PIK3R5: variants seen among roughly 807,000 people sequenced by gnomAD.
The protein encoded by PIK3R5 is phosphoinositide-3-kinase regulatory subunit 5.
PIK3R5 carries 32 observed loss-of-function variants against 94.9 expected under a neutral mutation model. The observed-to-expected ratio is 0.34, with a 90% CI of 0.25 to 0.45. The LOEUF (loss-of-function observed/expected upper bound fraction) is 0.45. PIK3R5 is among the 20% of genes least tolerant of loss of function. The pLI is 1.00. For synonymous variants in PIK3R5, 443 were observed against 479.4 expected, an observed-to-expected ratio of 0.92 and a Z score of 0.99; for missense variants, 853 against 1,144.6, an observed-to-expected ratio of 0.75 and a Z score of 3.68.
rs199732856 is a variant in PIK3R5, at chr17:8,893,046, CTGTGTGTGTGTGTGTGTG to C, written c.482+522_482+539del. ...GTAACCAGGATACATTTCATTTCAG[CTGTGTGTGTGTGTGTGTG>C]TGTGTGTGTGTGTGTGTGTGTTTGT... On this transcript the variant is annotated intron_variant, in intron 6 of 18. Transcript: ENST00000447110. This position sits in a 1 kb window ranked among gnomAD's most constrained non-coding sequence, Gnocchi z 5.1. Among the ~76,000 whole-genome samples the C allele has an allele frequency of 7.4e-6, 1 of 135,886 alleles. No individual in the cohort carries two copies. Among genetic ancestry groups the C allele is most frequent in the Non-Finnish European group, 1.6e-5 (1 of 64,296 alleles). The allele number at this position is 135,886 out of a possible 152,430, so 89.1% of individuals were successfully genotyped here. A position where few individuals can be genotyped will look rare whatever the true frequency, so the allele number is the denominator to read the frequency against.
chr17:8,884,477 G>A lies in PIK3R5; in HGVS notation c.2205+230C>T, dbSNP rs1278283182. On this transcript the variant is annotated intron_variant, in intron 15 of 18. Transcript: ENST00000447110. This position sits in a 1 kb window ranked among gnomAD's most constrained non-coding sequence, Gnocchi z 5.8. ...CCCTGGGCTGCTGCTGAGCGCATTC[G>A]GGTGGGGGCAGAGAACATGGTGGGA... Among the ~76,000 whole-genome samples, 1 of 152,122 alleles carries A rather than the reference G, an allele frequency of 6.6e-6. No individual in the cohort carries two copies. Among genetic ancestry groups the A allele is most frequent in the Non-Finnish European group, 1.5e-5 (1 of 68,014 alleles).
chr17:8,935,907 AGCCGGGCGTGGTGGCGG>A lies in PIK3R5; in HGVS notation c.-13-24417_-13-24401del, dbSNP rs2151448121. Among the ~76,000 whole-genome samples, 1 of 152,240 alleles carries A rather than the reference AGCCGGGCGTGGTGGCGG, an allele frequency of 6.6e-6. No homozygotes were observed. Among genetic ancestry groups the A allele is most frequent in the East Asian group, 1.9e-4 (1 of 5,184 alleles). ...ATCTCTACTAAAAATACAAAAAATT[AGCCGGGCGTGGTGGCGG>A]GCACCTGTAGTCCCAGCTACTCGGG... On this transcript the variant is annotated intron_variant, in intron 1 of 18. Transcript: ENST00000447110. This position sits in a 1 kb window ranked among gnomAD's most constrained non-coding sequence, Gnocchi z 4.5.
At chr17:8,924,359 G>A (rs946581133) in intron 1 of PIK3R5, among the ~76,000 whole-genome samples, 8 of 151,708 alleles carry the variant, frequency 5.3e-5, no homozygotes, top group Non-Finnish European at 8.8e-5. Context: ...GATTACAGGC[G>A]TGAGCCACCT....
intron 1 of PIK3R5, among the ~76,000 whole-genome samples, chr17:8,942,401 C>T (rs1359688770): frequency 1.3e-5 from 2 of 152,108 alleles, no homozygotes; most frequent in Non-Finnish European, 2.9e-5. Flanking sequence ...GCAGCTCCTG[C>T]CCCCACTGCT....
intron 1 of PIK3R5, among the ~76,000 whole-genome samples, chr17:8,927,049 C>A (rs2090896515): frequency 6.6e-6 from 1 of 152,088 alleles, no homozygotes; most frequent in South Asian, 2.1e-4. Flanking sequence ...AGAGAGAAGG[C>A]ACACAGGCTA....
chr17:8,889,345 C>A lies in PIK3R5; in HGVS notation c.812-123G>T, dbSNP rs1273327482. 3 of 696,452 alleles carry A rather than the reference C, an allele frequency of 4.3e-6. No individual in the cohort carries two copies. Among genetic ancestry groups the A allele is most frequent in the East Asian group, 2.7e-5 (1 of 36,572 alleles). The allele number at this position is 696,452 out of a possible 1,614,324, so 43.1% of individuals were successfully genotyped here. A position where few individuals can be genotyped will look rare whatever the true frequency, so the allele number is the denominator to read the frequency against. On this transcript the variant is annotated intron_variant, in intron 8 of 18. Transcript: ENST00000447110. The surrounding 1 kb of genome is among the most constrained non-coding windows in gnomAD (Gnocchi z 4.1). ...ACAGGATCGGCACAAGGATATGTAG[C>A]TGGATAGGCTGAGGCTGAGTTACAG...
At chr17:8,963,231 C>CA (rs2151488393) in intron 1 of PIK3R5, among the ~76,000 whole-genome samples, 1 of 152,354 alleles carries the variant, frequency 6.6e-6, no homozygotes, top group African/African-American at 2.4e-5. Flanking sequence ...CCCACAGGGC[C>CA]ACGCAGCTCA....
At chr17:8,918,881 C>T (rs2090677725) in intron 1 of PIK3R5, among the ~76,000 whole-genome samples, 1 of 152,202 alleles carries the variant, frequency 6.6e-6, no homozygotes, top group Non-Finnish European at 1.5e-5. Flanking sequence ...AAGGGAAGGA[C>T]ACGTCACTTC....
intron 1 of PIK3R5, among the ~76,000 whole-genome samples, chr17:8,941,145 G>A (rs1349324211): frequency 6.6e-6 from 1 of 152,212 alleles, no homozygotes; most frequent in Admixed American, 6.5e-5. Flanking sequence ...ACTGTGCAGA[G>A]ACCACTTTGC....
chr17:8,920,844 C>CTTTTTT (rs66921095), intron 1 of PIK3R5, among the ~76,000 whole-genome samples: 2 of 133,722 alleles, frequency 1.5e-5, no homozygotes. Context: ...TTTTCTTTTT[C>CTTTTTT]TTTTTTTTTT....
intron 1 of PIK3R5, among the ~76,000 whole-genome samples, chr17:8,950,484 T>C (rs1345685656): frequency 6.6e-6 from 1 of 152,184 alleles, no homozygotes; most frequent in Non-Finnish European, 1.5e-5. Context: ...TGTCTATTGC[T>C]CCCATGTTTA....
chr17:8,914,012 G>A lies in PIK3R5; in HGVS notation c.-13-2505C>T, dbSNP rs534103282. Among the ~76,000 whole-genome samples, 7 of 152,296 alleles carry A rather than the reference G, an allele frequency of 4.6e-5. No individual in the cohort carries two copies. The South Asian group carries it at 6.2e-4, about 14-fold the overall frequency. On this transcript the variant is annotated intron_variant, in intron 1 of 18. Transcript: ENST00000447110. ...ATCTTTCTGCCTCCCATGGCAGCCC[G>A]ACCACAAGACCCTCTGGAGGTGGGT...
At chr17:8,959,771 G>A (rs2091528659) in intron 1 of PIK3R5, among the ~76,000 whole-genome samples, 3 of 152,206 alleles carry the variant, frequency 2.0e-5, no homozygotes, top group African/African-American at 7.2e-5. Context: ...AGAAGGATAT[G>A]GGAGCTGGAC....
chr17:8,888,252 G>C lies in PIK3R5; in HGVS notation c.1535C>G (p.Pro512Arg), dbSNP rs139156443. Residue 512 changes from proline (P) to arginine (R), a missense_variant, in exon 10 of 19, where the codon CCC (proline) becomes CGC (arginine). By Grantham distance (103) the Pro-to-Arg change is moderately radical (BLOSUM62 -2). This residue lies in a region of PIK3R5 where 319 missense variants were observed against 339.8 expected (regional missense o/e 0.94). Transcript: ENST00000447110. The surrounding 1 kb of genome is among the most constrained non-coding windows in gnomAD (Gnocchi z 7.8). ...RRPFLSGDED[P>R]KASTLRVVVF... ...CACAACACGTAGCGTGGAAGCCTTG[G>C]GATCCTCATCTCCACTCAGGAAGGG... 6.2e-7 allele frequency: 1 copy of C among 1,613,394 alleles called. No individual in the cohort carries two copies.
chr17:8,949,127 A>C (rs1393710933), intron 1 of PIK3R5, among the ~76,000 whole-genome samples: 1 of 152,202 alleles, frequency 6.6e-6, no homozygotes, highest in African/African-American at 2.4e-5. Context: ...GTTCAGCCCT[A>C]CTGAAGGGTA....
At chr17:8,938,226 A>T (rs2091111916) in intron 1 of PIK3R5, among the ~76,000 whole-genome samples, 2 of 152,248 alleles carry the variant, frequency 1.3e-5, no homozygotes, top group Non-Finnish European at 2.9e-5. Flanking sequence ...CTATTCAGAT[A>T]ATCTACTTCT....
At chr17:8,944,661 T>C (rs1309728442) in intron 1 of PIK3R5, among the ~76,000 whole-genome samples, 1 of 152,154 alleles carries the variant, frequency 6.6e-6, no homozygotes, top group Non-Finnish European at 1.5e-5. Flanking sequence ...CCTATATCCA[T>C]CTTTACTCTC....
Position 8,911,700 on chromosome 17 carries a change from G to C in PIK3R5, c.-13-193C>G. On this transcript the variant is annotated intron_variant, in intron 1 of 18. Coordinates refer to ENST00000447110, the MANE Select transcript of PIK3R5 (RefSeq NM_001142633.3). This position sits in a 1 kb window ranked among gnomAD's most constrained non-coding sequence, Gnocchi z 5.3. ...GAATGGCATCTGGAGGGCCACATCT[G>C]AGTGGCAGGACAGAGCACCCCTGCA... is the stretch of plus-strand genomic sequence containing the variant. 1 of 554,908 alleles carries C rather than the reference G, an allele frequency of 1.8e-6. No individual in the cohort carries two copies. The highest frequency in any genetic ancestry group is 2.1e-5 in the South Asian group (1 of 48,160). 34.4% of individuals were successfully genotyped at this position (554,908 alleles called of 1,614,324 possible). A position where few individuals can be genotyped will look rare whatever the true frequency, so the allele number is the denominator to read the frequency against.
At chr17:8,942,728 C>G (rs904251920) in intron 1 of PIK3R5, among the ~76,000 whole-genome samples, 35 of 152,076 alleles carry the variant, frequency 2.3e-4, no homozygotes, top group Admixed American at 4.6e-4. Flanking sequence ...GCCTCAGCCT[C>G]CTGAGTAGCT....
Sources: gnomAD v4.1 joint callset for allele counts (sites outside exome capture counted in the v4.1 genomes callset) on GRCh38, gnomAD v4.1.1 for gene constraint, gnomAD v4.1.1 regional missense constraint, Gnocchi (gnomAD v3.1) non-coding constraint, MANE v1.5 for transcripts, NCBI Gene and HGNC (gene_info 2026-07-23, HGNC 2026-07-21) for gene names.